LHPP: variants seen among roughly 807,000 people sequenced by gnomAD.
LHPP encodes phospholysine phosphohistidine inorganic pyrophosphate phosphatase, also known as hLHPP.
LHPP carries 24 observed loss-of-function variants against 30.3 expected under a neutral mutation model. The ratio of observed to expected loss-of-function variants is 0.79; its 90% CI spans 0.57 to 1.11. The LOEUF is 1.11. Ranked by LOEUF, LHPP falls within the 50% of genes most tolerant of loss-of-function variation. The pLI is 0.00. For missense variants in LHPP, 356 were observed against 367.2 expected (o/e 0.97, Z 0.25); for synonymous variants, 150 against 157.1 (o/e 0.95, Z 0.34).
chr10:124,598,437 G>A (rs1948978115), intron 6 of LHPP, among the ~76,000 whole-genome samples: 1 of 152,232 alleles, frequency 6.6e-6, no homozygotes. Context: ...TGTGAGCCTG[G>A]TGGCCTGGCT....
chr10:124,517,926 G>C lies in LHPP; in HGVS notation c.716+655G>C, dbSNP rs188295592. Among the ~76,000 whole-genome samples, 43 of 152,358 alleles carry C rather than the reference G, an allele frequency of 2.8e-4. No homozygotes were observed. Among genetic ancestry groups the C allele is most frequent in the Non-Finnish European group, 5.6e-4 (38 of 68,032 alleles). On this transcript the variant is annotated intron_variant, in intron 6 of 6. Coordinates refer to ENST00000368842, the MANE Select transcript of LHPP (RefSeq NM_022126.4). The surrounding 1 kb of genome is among the most constrained non-coding windows in gnomAD (Gnocchi z 4.1). ...CAGAGTGTTGCCTTGCCTTATGCTA[G>C]ATGGTTTCGATTGTGGCCATTCAGA...
chr10:124,492,143 C>T (rs188889649), intron 3 of LHPP, among the ~76,000 whole-genome samples: 17 of 152,308 alleles, frequency 1.1e-4, no homozygotes, highest in Admixed American at 9.2e-4. Context: ...GTCCCTGTCT[C>T]CAGACCACAG....
intron 6 of LHPP, among the ~76,000 whole-genome samples, chr10:124,585,664 G>A (rs1324252975): frequency 6.6e-6 from 1 of 151,998 alleles, no homozygotes; most frequent in Non-Finnish European, 1.5e-5. Context: ...GAGCCTTGCT[G>A]TGTTGCTCAG....
intron 6 of LHPP, among the ~76,000 whole-genome samples, chr10:124,603,867 G>A (rs1949059512): frequency 6.6e-6 from 1 of 152,224 alleles, no homozygotes; most frequent in Admixed American, 6.5e-5. Context: ...ACGGGCCTGA[G>A]GGCTGAGCAA....
intron 6 of LHPP, among the ~76,000 whole-genome samples, chr10:124,578,578 C>T (rs1201915087): frequency 6.6e-6 from 1 of 152,244 alleles, no homozygotes; most frequent in Non-Finnish European, 1.5e-5. Context: ...CAGAGGGTGA[C>T]ATCTCACCCT....
chr10:124,495,165 ACT>A (rs1284953444), intron 3 of LHPP, among the ~76,000 whole-genome samples: 1 of 152,132 alleles, frequency 6.6e-6, no homozygotes, highest in Non-Finnish European at 1.5e-5. Flanking sequence ...TTTGGGGGTC[ACT>A]CTAAAAGGGA....
At chr10:124,567,650 G>A (rs757773584) in intron 6 of LHPP, among the ~76,000 whole-genome samples, 4 of 152,250 alleles carry the variant, frequency 2.6e-5, no homozygotes, top group East Asian at 1.9e-4. Context: ...CAGCCGCAGC[G>A]GCCACTTGTG....
At chr10:124,521,272 G>A (rs995921538) in intron 6 of LHPP, among the ~76,000 whole-genome samples, 1 of 152,202 alleles carries the variant, frequency 6.6e-6, no homozygotes. Context: ...CCGCTGGGCC[G>A]GCATCCCTTC....
chr10:124,573,303 A>G (rs977593815), intron 6 of LHPP, among the ~76,000 whole-genome samples: 1 of 152,174 alleles, frequency 6.6e-6, no homozygotes, highest in Non-Finnish European at 1.5e-5. Flanking sequence ...ACTATTCATG[A>G]GACACCAGAC....
chr10:124,569,646 G>A (rs1948552970), intron 6 of LHPP, among the ~76,000 whole-genome samples: 1 of 152,190 alleles, frequency 6.6e-6, no homozygotes, highest in Admixed American at 6.5e-5. Flanking sequence ...AACCAGGGCT[G>A]GGGGATCTCA....
At chr10:124,531,120 T>C (rs1954892072) in intron 6 of LHPP, among the ~76,000 whole-genome samples, 1 of 152,192 alleles carries the variant, frequency 6.6e-6, no homozygotes, top group South Asian at 2.1e-4. Flanking sequence ...CCACCACCTC[T>C]TCTTTGGCCT....
intron 6 of LHPP, among the ~76,000 whole-genome samples, chr10:124,535,041 T>A (rs1954989417): frequency 6.6e-6 from 1 of 152,180 alleles, no homozygotes; most frequent in African/African-American, 2.4e-5. Context: ...CCTCTCTCGA[T>A]TGTGTGGCCA....
At chr10:124,542,554 CCTGCAGCT>C (rs1467709667) in intron 6 of LHPP, among the ~76,000 whole-genome samples, 1 of 152,168 alleles carries the variant, frequency 6.6e-6, no homozygotes, top group Non-Finnish European at 1.5e-5. Flanking sequence ...TCCAGTTCAG[CCTGCAGCT>C]CTCCTGCATC....
intron 1 of LHPP, among the ~76,000 whole-genome samples, chr10:124,479,556 T>C (rs921408980): frequency 6.6e-6 from 1 of 152,170 alleles, no homozygotes; most frequent in Non-Finnish European, 1.5e-5. Flanking sequence ...AAGGCTGATA[T>C]CAGGGGGTCG....
intron 6 of LHPP, among the ~76,000 whole-genome samples, chr10:124,571,693 G>A (rs199626146): frequency 1.3e-5 from 2 of 148,798 alleles, no homozygotes; most frequent in Admixed American, 1.3e-4. Flanking sequence ...GTGTTTTTTT[G>A]CTGAGTCTTT....
intron 6 of LHPP, among the ~76,000 whole-genome samples, chr10:124,550,308 T>G (rs1955449809): frequency 6.6e-6 from 1 of 152,222 alleles, no homozygotes. Context: ...TCTTGGTTGT[T>G]GAGCCCTTCC....
chr10:124,539,822 A>G (rs1231374845), intron 6 of LHPP, among the ~76,000 whole-genome samples: 1 of 151,192 alleles, frequency 6.6e-6, no homozygotes, highest in Non-Finnish European at 1.5e-5. Context: ...GGATTGTTTG[A>G]GCCCAGAAGG....
intron 6 of LHPP, among the ~76,000 whole-genome samples, chr10:124,595,397 G>A (rs1302918465): frequency 1.3e-5 from 2 of 152,262 alleles, no homozygotes; most frequent in East Asian, 3.8e-4. Context: ...ATGGCCAGGA[G>A]TCTGCTCGTG....
chr10:124,498,716 G>A (rs75436880), intron 5 of LHPP: 4,667 of 456,258 alleles, frequency 0.01, 145 homozygotes, highest in South Asian at 0.053. Flanking sequence ...CCTGGCTAGA[G>A]TGCAGTGTAG....
Sources: allele counts gnomAD v4.1 joint callset (sites outside exome capture counted in the v4.1 genomes callset), GRCh38; gene constraint gnomAD v4.1.1; non-coding constraint Gnocchi (gnomAD v3.1); transcripts MANE v1.5; gene names NCBI Gene and HGNC (gene_info 2026-07-23, HGNC 2026-07-21).